The following NKAIN3 variants were observed in gnomAD, a reference collection of about 807,000 sequenced individuals.
The protein encoded by NKAIN3 is sodium/potassium transporting ATPase interacting 3.
NKAIN3 carries 25 observed loss-of-function variants against 30.2 expected under a neutral mutation model. The ratio of observed to expected loss-of-function variants is 0.83; its 90% confidence interval spans 0.60 to 1.16. NKAIN3 has a LOEUF of 1.16. Ranked by LOEUF, NKAIN3 falls within the 50% of genes most tolerant of loss-of-function variation. The probability of loss-of-function intolerance (pLI) is 0.00; values close to 1 mark genes in which losing one functional copy is unlikely to be tolerated. For missense variants in NKAIN3, 225 were observed against 254.1 expected (o/e 0.89, Z 0.78); for synonymous variants, 91 against 89.6 (o/e 1.02, Z -0.09).
intron 4 of NKAIN3, among the ~76,000 whole-genome samples, chr8:62,816,125 G>A (rs976156369): frequency 3.3e-5 from 5 of 152,072 alleles, no homozygotes; most frequent in Non-Finnish European, 7.3e-5. Flanking sequence ...CTACATTGAC[G>A]TTTGTGCATC....
chr8:62,824,999 G>A (rs1040101591), intron 4 of NKAIN3, among the ~76,000 whole-genome samples: 11 of 152,202 alleles, frequency 7.2e-5, no homozygotes, highest in African/African-American at 2.7e-4. Context: ...GACCAAGCAT[G>A]TCAAATGCAG....
chr8:62,398,362 C>T (rs13277073), intron 1 of NKAIN3, among the ~76,000 whole-genome samples: 64,474 of 151,960 alleles, frequency 0.42, 15,719 homozygotes, highest in Non-Finnish European at 0.54. Context: ...TAGAGCCTGC[C>T]GCACATTTAA....
At chr8:62,473,621 C>T (rs1806425309) in intron 1 of NKAIN3, among the ~76,000 whole-genome samples, 1 of 152,126 alleles carries the variant, frequency 6.6e-6, no homozygotes, top group African/African-American at 2.4e-5. Context: ...AGAATGAAAT[C>T]CATTCTTCTT....
rs192021177 is a variant in NKAIN3 at position 62,982,077 on chromosome 8, A to C, written c.*16670A>C. 1.3e-3 allele frequency: 197 copies of C among 152,296 alleles called. 2 individuals are homozygous for C. Among genetic ancestry groups the C allele is most frequent in the African/African-American group, 4.4e-3 (181 of 41,564 alleles). 9.4% of individuals were successfully genotyped at this position (152,296 alleles called of 1,614,324 possible). A position where few individuals can be genotyped will look rare whatever the true frequency, so the allele number is the denominator to read the frequency against. Reference sequence around the variant, plus strand: ...AACAGAGATAGAAAACTCATATAAAAATCTAAACTACAGTTTTATGGGGAT... The same window carrying C: ...AACAGAGATAGAAAACTCATATAAACATCTAAACTACAGTTTTATGGGGAT... On this transcript the variant is annotated 3_prime_UTR_variant, in exon 7 of 7. Coordinates refer to ENST00000623646, the MANE Select transcript of NKAIN3 (RefSeq NM_001304533.3).
chr8:62,259,106 T>C (rs1812351054), intron 1 of NKAIN3, among the ~76,000 whole-genome samples: 1 of 152,158 alleles, frequency 6.6e-6, no homozygotes, highest in Admixed American at 6.5e-5. Context: ...TTAATAACAT[T>C]GTGCAGATGA....
chr8:62,307,601 C>T (rs1037473603), intron 1 of NKAIN3, among the ~76,000 whole-genome samples: 3 of 150,612 alleles, frequency 2.0e-5, no homozygotes, highest in Non-Finnish European at 4.4e-5. Flanking sequence ...TTTAACTCCA[C>T]ATGTATGTTT....
At position 62,326,431 on chromosome 8, in the gene NKAIN3, A is replaced by G. The variant is rs186505994; in HGVS notation, c.54+77304A>G. 1.8e-3 allele frequency among the ~76,000 whole-genome samples: 277 copies of G among 152,024 alleles called. 1 individual carries two copies. The highest frequency in any genetic ancestry group is 6.4e-3 in the African/African-American group (266 of 41,530). ...AAAAGTTTTTCCGATGTTATCTTCTAGAATGTTTATGATTTAAGGTCTTAA... is the reference window on the plus strand; with the variant it reads ...AAAAGTTTTTCCGATGTTATCTTCTGGAATGTTTATGATTTAAGGTCTTAA... On this transcript the variant is annotated intron_variant, in intron 1 of 6. Transcript: ENST00000623646.
chr8:62,860,959 T>C (rs1483983785), intron 4 of NKAIN3, among the ~76,000 whole-genome samples: 1 of 152,236 alleles, frequency 6.6e-6, no homozygotes, highest in Non-Finnish European at 1.5e-5. Flanking sequence ...GAAGGCCTTA[T>C]GCTGAATGCT....
At chr8:62,278,030 A>C (rs917777626) in intron 1 of NKAIN3, among the ~76,000 whole-genome samples, 3 of 152,180 alleles carry the variant, frequency 2.0e-5, no homozygotes, top group African/African-American at 7.2e-5. Context: ...GCACGGAGAC[A>C]GGCAGAGCAA....
At chr8:62,532,600 C>G (rs1005673501) in intron 1 of NKAIN3, among the ~76,000 whole-genome samples, 2 of 152,118 alleles carry the variant, frequency 1.3e-5, no homozygotes, top group Non-Finnish European at 2.9e-5. Context: ...GTTTGTTGGT[C>G]TCAGCATTTT....
intron 4 of NKAIN3, among the ~76,000 whole-genome samples, chr8:62,871,256 A>T (rs1563604818): frequency 6.6e-6 from 1 of 151,884 alleles, no homozygotes; most frequent in Non-Finnish European, 1.5e-5. Flanking sequence ...TAAAAAAATT[A>T]GCCAGACCTG....
At chr8:62,954,255 T>C (rs1454082732) in intron 6 of NKAIN3, among the ~76,000 whole-genome samples, 1 of 152,168 alleles carries the variant, frequency 6.6e-6, no homozygotes, top group Non-Finnish European at 1.5e-5. Context: ...TTATTTAATC[T>C]GCAGAAGTAA....
At chr8:62,328,050 C>T (rs904136656) in intron 1 of NKAIN3, among the ~76,000 whole-genome samples, 1 of 152,060 alleles carries the variant, frequency 6.6e-6, no homozygotes, top group Non-Finnish European at 1.5e-5. Flanking sequence ...TTTGATCCAA[C>T]TTTGCATTGC....
At chr8:62,877,023 C>T (rs1265503892) in intron 4 of NKAIN3, among the ~76,000 whole-genome samples, 2 of 151,194 alleles carry the variant, frequency 1.3e-5, no homozygotes, top group Non-Finnish European at 2.9e-5. Flanking sequence ...AGAGTGAAAG[C>T]CAAGCTACCC....
intron 4 of NKAIN3, among the ~76,000 whole-genome samples, chr8:62,794,290 T>C (rs1278017362): frequency 1.3e-5 from 2 of 152,144 alleles, no homozygotes; most frequent in African/African-American, 4.8e-5. Flanking sequence ...CCAATAAATA[T>C]CAAATAAATC....
intron 4 of NKAIN3, among the ~76,000 whole-genome samples, chr8:62,802,254 A>G (rs1447836124): frequency 2.6e-5 from 4 of 152,200 alleles, no homozygotes; most frequent in African/African-American, 9.6e-5. Flanking sequence ...ATTCAGATTC[A>G]GGAAATACAG....
intron 3 of NKAIN3, among the ~76,000 whole-genome samples, chr8:62,620,916 A>G (rs1811603303): frequency 1.3e-5 from 2 of 152,252 alleles, no homozygotes; most frequent in South Asian, 4.1e-4. Flanking sequence ...CTGAAAGGTC[A>G]GGTAAATTAG....
downstream of NKAIN3, among the ~76,000 whole-genome samples, chr8:62,985,440 C>T (rs77733536): frequency 1.4e-4 from 21 of 152,252 alleles, 1 homozygote; most frequent in East Asian, 3.9e-3. Flanking sequence ...CTTCTTGCTC[C>T]CCTGCCTCTA....
intron 5 of NKAIN3, chr8:62,990,652 C>T (rs1824302777): frequency 1.3e-5 from 2 of 152,644 alleles, no homozygotes; most frequent in Non-Finnish European, 2.9e-5. Flanking sequence ...CTTATTATAC[C>T]AGCAGTTTTA....
Sources: allele counts gnomAD v4.1 joint callset (sites outside exome capture counted in the v4.1 genomes callset), GRCh38; gene constraint gnomAD v4.1.1; transcripts MANE v1.5; gene names NCBI Gene and HGNC (gene_info 2026-07-23, HGNC 2026-07-21).